The following CCDC42 variants were observed in gnomAD, a reference collection of about 807,000 sequenced individuals.
CCDC42 encodes the protein coiled-coil domain-containing protein 42.
In CCDC42, 38 loss-of-function variants were observed where a neutral mutation model predicts 40.8. The observed-to-expected ratio is 0.93, with a 90% confidence interval of 0.72 to 1.22. CCDC42 has a LOEUF of 1.22. Ranked by LOEUF, CCDC42 falls within the 50% of genes most tolerant of loss-of-function variation. The pLI, the probability that CCDC42 is intolerant of heterozygous loss-of-function variation, is 0.00. For synonymous variants in CCDC42, 135 were observed against 157.5 expected (o/e 0.86, Z 1.07); for missense variants, 379 against 416.5 (o/e 0.91, Z 0.78).
intron 6 of CCDC42, among the ~76,000 whole-genome samples, chr17:8,730,488 T>C (rs1190079835): frequency 1.3e-5 from 2 of 152,128 alleles, no homozygotes; most frequent in East Asian, 3.9e-4. Context: ...TACAGGTACT[T>C]GTGACCATGC....
intron 4 of CCDC42, among the ~76,000 whole-genome samples, chr17:8,738,677 G>A (rs1329676044): frequency 5.3e-5 from 8 of 152,014 alleles, no homozygotes; most frequent in Non-Finnish European, 1.0e-4. Flanking sequence ...TGTTGGCCAG[G>A]GTGGTCTCGA....
At chr17:8,743,580 G>T (rs1443167410) in intron 3 of CCDC42, 46 bp downstream of exon 3, 4 of 1,119,290 alleles carry the variant, frequency 3.6e-6, no homozygotes, top group East Asian at 4.7e-5. Context: ...CCCACCTGCG[G>T]ACTATGGATC....
chr17:8,731,967 A>G (rs2086583390), intron 6 of CCDC42, among the ~76,000 whole-genome samples: 2 of 151,936 alleles, frequency 1.3e-5, no homozygotes, highest in Non-Finnish European at 2.9e-5. Flanking sequence ...GATCGAGACC[A>G]TCCTGACTAA....
chr17:8,738,623 G>A (rs1015076857), intron 4 of CCDC42, among the ~76,000 whole-genome samples: 14 of 152,018 alleles, frequency 9.2e-5, no homozygotes, highest in Non-Finnish European at 1.3e-4. Flanking sequence ...CCGCCATCAC[G>A]CCCAGCTAAT....
intron 6 of CCDC42, among the ~76,000 whole-genome samples, chr17:8,731,928 G>T (rs2086583138): frequency 6.6e-6 from 1 of 152,148 alleles, no homozygotes; most frequent in Admixed American, 6.5e-5. Flanking sequence ...ACTTTGGGAG[G>T]CCAAGGCGGG....
At chr17:8,744,311 G>A in intron 1 of CCDC42, 127 bp from the exon 2 acceptor site, 1 of 776,530 alleles carries the variant, frequency 1.3e-6, no homozygotes, top group South Asian at 1.7e-5. Flanking sequence ...CGAGGGAAAG[G>A]GCTGTTGTGT....
intron 4 of CCDC42, among the ~76,000 whole-genome samples, chr17:8,737,037 GAGGA>G (rs368825865): frequency 1.4e-5 from 2 of 140,968 alleles, no homozygotes; most frequent in African/African-American, 5.2e-5. Flanking sequence ...AAGAGGGAGG[GAGGA>G]AGGAAGGGAA....
Position 8,730,057 on chromosome 17 carries a change from G to T in CCDC42, c.*73C>A. On this transcript the variant is annotated 3_prime_UTR_variant, in exon 7 of 7. Coordinates refer to ENST00000293845, the MANE Select transcript of CCDC42 (RefSeq NM_144681.3). ...GCAGGCATCGGTCCCGAGCTGGACTGACTGGACCGCAGGCTCACGACTTCT... is the reference window on the plus strand; with the variant it reads ...GCAGGCATCGGTCCCGAGCTGGACTTACTGGACCGCAGGCTCACGACTTCT... 1 of 1,401,068 alleles carries T rather than the reference G, an allele frequency of 7.1e-7. No homozygotes were observed. The highest frequency in any genetic ancestry group is 1.0e-6 in the Non-Finnish European group (1 of 992,650). The allele number at this position is 1,401,068 out of a possible 1,614,324, so 86.8% of individuals were successfully genotyped here. A position where few individuals can be genotyped will look rare whatever the true frequency, so the allele number is the denominator to read the frequency against.
chr17:8,738,105 C>T (rs750529142), intron 4 of CCDC42, among the ~76,000 whole-genome samples: 4 of 152,182 alleles, frequency 2.6e-5, no homozygotes, highest in Non-Finnish European at 5.9e-5. Flanking sequence ...AGATTACAGG[C>T]ATGAGCCACC....
At chr17:8,739,564 C>T (rs1030229846) in intron 4 of CCDC42, among the ~76,000 whole-genome samples, 10 of 152,198 alleles carry the variant, frequency 6.6e-5, no homozygotes, top group East Asian at 3.9e-4. Flanking sequence ...GTTTTTGAGA[C>T]GGAGTTTCGC....
chr17:8,731,189 C>T (rs901440797), intron 6 of CCDC42, among the ~76,000 whole-genome samples: 1 of 152,206 alleles, frequency 6.6e-6, no homozygotes, highest in African/African-American at 2.4e-5. Context: ...AGTTCTAATG[C>T]AAACCAAAAC....
intron 2 of CCDC42, 83 bp from the exon 3 acceptor site, chr17:8,743,813 A>G (rs1452709541): frequency 8.4e-6 from 7 of 838,218 alleles, no homozygotes; most frequent in Admixed American, 2.0e-5. Context: ...TCCCTGCCCC[A>G]GAGGCTCCAT....
intron 4 of CCDC42, among the ~76,000 whole-genome samples, chr17:8,739,451 C>T (rs1474491344): frequency 1.8e-4 from 27 of 152,244 alleles, no homozygotes; most frequent in Non-Finnish European, 1.5e-5. Flanking sequence ...ATGGGGGTCT[C>T]AAGCTTAGGA....
At chr17:8,743,527 A>G in intron 3 of CCDC42, 99 bp downstream of exon 3, 2 of 770,644 alleles carry the variant, frequency 2.6e-6, no homozygotes, top group Non-Finnish European at 4.7e-6. Flanking sequence ...TTTTTAACTC[A>G]GGGCGAGGAG....
At chr17:8,739,524 C>G (rs1208169043) in intron 4 of CCDC42, among the ~76,000 whole-genome samples, 1 of 152,136 alleles carries the variant, frequency 6.6e-6, no homozygotes, top group Non-Finnish European at 1.5e-5. Context: ...GAATTCAAGA[C>G]ACATCTTACA....
rs199844131 is a variant in CCDC42 at position 8,741,564 on chromosome 17, C to T, written c.402G>A (p.Ala134=). Residue 134 remains alanine, a synonymous_variant, in exon 4 of 7, where the codon GCG becomes GCA. Transcript: ENST00000293845. ...TCAGCCGCTGGTGCTCCAGCCGCAGCGCCACCATCTCCTGCTTGCGCTTGG... is the reference window on the plus strand; with the variant it reads ...TCAGCCGCTGGTGCTCCAGCCGCAGTGCCACCATCTCCTGCTTGCGCTTGG... ...ELTKRKQEMV[A]LRLEHQRLSA... 9.1e-4 allele frequency: 1,475 copies of T among 1,614,202 alleles called. 30 individuals carry two copies. The South Asian group carries it at 0.015, about 17-fold the overall frequency.
chr17:8,735,598 T>C lies in CCDC42; in HGVS notation c.506A>G (p.His169Arg), dbSNP rs1233408094. The change falls in exon 5 of 7, where the codon CAT becomes CGT. Residue 169 changes from histidine to arginine, a missense_variant. His to Arg is a conservative substitution (Grantham distance 29). Transcript: ENST00000293845. This position sits in a 1 kb window ranked among gnomAD's most constrained non-coding sequence, Gnocchi z 4.7. ...CGTCTTGTAGCGTGCAATCACCTCA[T>C]GGATCTCCTCGAACTGTGGTCAGGG... ...VVENSEFEEI[H>R]EVIARYKTLV... The C allele has an allele frequency of 6.2e-7, 1 of 1,613,776 alleles. No individual in the cohort carries two copies. The highest frequency in any genetic ancestry group is 2.2e-5 in the East Asian group (1 of 44,886).
chr17:8,733,063 G>T (rs2086590420), intron 6 of CCDC42, among the ~76,000 whole-genome samples: 1 of 152,060 alleles, frequency 6.6e-6, no homozygotes, highest in African/African-American at 2.4e-5. Context: ...AGAACTAAGT[G>T]CTGGGAAAAG....
intron 6 of CCDC42, among the ~76,000 whole-genome samples, chr17:8,732,277 C>A: frequency 9.1e-6 from 1 of 110,308 alleles, no homozygotes; most frequent in South Asian, 3.3e-4. Flanking sequence ...CCAGCCTGGG[C>A]GACAGAGTGA....
Sources: gnomAD v4.1 joint callset for allele counts (sites outside exome capture counted in the v4.1 genomes callset) on GRCh38, gnomAD v4.1.1 for gene constraint, Gnocchi (gnomAD v3.1) non-coding constraint, MANE v1.5 for transcripts, NCBI Gene and HGNC (gene_info 2026-07-23, HGNC 2026-07-21) for gene names.